SMG6: variants seen among roughly 807,000 people sequenced by gnomAD.
SMG6 encodes the protein telomerase-binding protein EST1A.
A neutral mutation model predicts 142.2 loss-of-function variants in SMG6; 66 were observed. The observed-to-expected ratio is 0.46, with a 90% CI of 0.38 to 0.57. The LOEUF (loss-of-function observed/expected upper bound fraction) is 0.57. Ranked by LOEUF, SMG6 falls within the 20% of genes least tolerant of loss-of-function variation. The probability of loss-of-function intolerance (pLI) is 0.00; values close to 1 mark genes in which losing one functional copy is unlikely to be tolerated. For missense variants in SMG6, 1,793 were observed against 1,832.0 expected (o/e 0.98, Z 0.39); for synonymous variants, 779 against 702.4 (o/e 1.11, Z -1.72).
At chr17:2,292,061 C>A (rs909075353) in intron 6 of SMG6, among the ~76,000 whole-genome samples, 3 of 152,120 alleles carry the variant, frequency 2.0e-5, no homozygotes, top group Non-Finnish European at 4.4e-5. Context: ...TAGGGAGGTA[C>A]AACCTGCTGC....
rs532997926 is a variant in SMG6, at chr17:2,126,715, CA to C, written c.3358-40815del. Among the ~76,000 whole-genome samples, 397 of 66,104 alleles carry C rather than the reference CA, an allele frequency of 6.0e-3. 2 individuals are homozygous for C. Among genetic ancestry groups the C allele is most frequent in the African/African-American group, 0.014 (267 of 18,948 alleles). 43.4% of individuals were successfully genotyped at this position (66,104 alleles called of 152,430 possible). A position where few individuals can be genotyped will look rare whatever the true frequency, so the allele number is the denominator to read the frequency against. On this transcript the variant is annotated intron_variant, in intron 13 of 18. Coordinates refer to ENST00000263073, the MANE Select transcript of SMG6 (RefSeq NM_017575.5). ...TGGGCAACAGAGTGAGGCTCAGTTTCAAAAAAAAAAAAAAAAAAGCAAACTG... is the reference window on the plus strand; with the variant it reads ...TGGGCAACAGAGTGAGGCTCAGTTTCAAAAAAAAAAAAAAAAAGCAAACTG...
At chr17:2,102,923 A>G (rs564342619) in intron 13 of SMG6, among the ~76,000 whole-genome samples, 1 of 152,292 alleles carries the variant, frequency 6.6e-6, no homozygotes, top group Admixed American at 6.5e-5. Context: ...TATTTCACTC[A>G]GCATAATGCT....
Position 2,092,254 on chromosome 17 carries a change from T to G in SMG6, c.3358-6353A>C, listed in dbSNP as rs545194807. Among the ~76,000 whole-genome samples, 271 of 152,196 alleles carry G rather than the reference T, an allele frequency of 1.8e-3. 1 individual carries two copies. Among genetic ancestry groups the G allele is most frequent in the African/African-American group, 6.3e-3 (263 of 41,514 alleles). On this transcript the variant is annotated intron_variant, in intron 13 of 18. Transcript: ENST00000263073. ...ACCGCGCCCGGCCTTTCTCAGTCAT[T>G]TCTAATCCCGGTGTCCAGATCCAAC...
chr17:2,227,855 G>A (rs1257946630), intron 10 of SMG6, among the ~76,000 whole-genome samples: 3 of 152,058 alleles, frequency 2.0e-5, no homozygotes, highest in Admixed American at 6.6e-5. Flanking sequence ...GAAAACAACC[G>A]AAATGCCCAT....
chr17:2,162,258 AT>A (rs2071201920), intron 13 of SMG6, among the ~76,000 whole-genome samples: 1 of 152,060 alleles, frequency 6.6e-6, no homozygotes, highest in African/African-American at 2.4e-5. Flanking sequence ...CACGCCTGTA[AT>A]CCCAGCACTT....
rs1176048430 is a variant in SMG6, at chr17:2,081,851, T to C, written c.3640A>G (p.Arg1214Gly). 4 of 1,614,088 alleles carry C rather than the reference T, an allele frequency of 2.5e-6. No individual in the cohort carries two copies. The highest frequency in any genetic ancestry group is 3.4e-6 in the Non-Finnish European group (4 of 1,180,046). The change falls in exon 15 of 19, where the codon AGG becomes GGG. Residue 1214 changes from arginine (R) to glycine (G), a missense_variant. By Grantham distance (125) the Arg-to-Gly change is moderately radical. Transcript: ENST00000263073. Reference sequence around the variant, plus strand: ...CGACGCTGCTGCTCAGCTATCTTCCTGGCCAGAGCCAGCTTCTTGGCCCGA... The same window carrying C: ...CGACGCTGCTGCTCAGCTATCTTCCCGGCCAGAGCCAGCTTCTTGGCCCGA... ...ELRAKKLALARKIAEQQRRQE... is the reference protein window; with the variant it reads ...ELRAKKLALAGKIAEQQRRQE...
At chr17:2,253,298 C>T (rs538778536) in intron 8 of SMG6, among the ~76,000 whole-genome samples, 54 of 152,154 alleles carry the variant, frequency 3.5e-4, no homozygotes, top group African/African-American at 1.1e-3. Flanking sequence ...CCTGCCACTA[C>T]GCCTGGCTAA....
intron 15 of SMG6, among the ~76,000 whole-genome samples, 169 bp from the exon 16 acceptor site, chr17:2,069,100 T>C (rs1265912350): frequency 1.3e-5 from 2 of 152,054 alleles, no homozygotes; most frequent in Admixed American, 1.3e-4. Context: ...GGGCTGAGCA[T>C]AGCACTGCAA....
chr17:2,109,420 C>T (rs575519298), intron 13 of SMG6, among the ~76,000 whole-genome samples: 20 of 152,094 alleles, frequency 1.3e-4, no homozygotes, highest in African/African-American at 2.9e-4. Context: ...CGTGCCACCA[C>T]GCCTGGTTAA....
intron 13 of SMG6, chr17:2,087,668 G>T: frequency 2.0e-6 from 2 of 990,428 alleles, no homozygotes; most frequent in Non-Finnish European, 1.2e-6. Flanking sequence ...GGTAAGCCTG[G>T]TTCCATTGCG....
intron 6 of SMG6, among the ~76,000 whole-genome samples, chr17:2,287,206 A>C (rs1216636628): frequency 6.6e-6 from 1 of 152,166 alleles, no homozygotes; most frequent in Non-Finnish European, 1.5e-5. Flanking sequence ...GGCGTGAGCC[A>C]CTGGGCCCGG....
At chr17:2,208,754 T>A (rs970787998) in intron 10 of SMG6, among the ~76,000 whole-genome samples, 11 of 152,170 alleles carry the variant, frequency 7.2e-5, no homozygotes, top group Non-Finnish European at 1.0e-4. Flanking sequence ...CTTAAGAAGT[T>A]TAAAGAGGCA....
At chr17:2,134,418 T>G (rs1188058465) in intron 13 of SMG6, among the ~76,000 whole-genome samples, 1 of 4,210 alleles carries the variant, frequency 2.4e-4, no homozygotes, top group East Asian at 2.7e-3. Flanking sequence ...AGACTCCATC[T>G]CAAAAAAAAA....
intron 8 of SMG6, among the ~76,000 whole-genome samples, chr17:2,272,113 C>A (rs1291876252): frequency 6.6e-6 from 1 of 152,210 alleles, no homozygotes; most frequent in African/African-American, 2.4e-5. Context: ...TGGCACCAAA[C>A]TAGAATGTGG....
intron 9 of SMG6, among the ~76,000 whole-genome samples, chr17:2,240,725 T>C (rs192748295): frequency 1.3e-5 from 2 of 152,354 alleles, no homozygotes; most frequent in South Asian, 2.1e-4. Context: ...TTGCACATAG[T>C]AGGCATTCGA....
At chr17:2,074,385 C>T (rs910343327) in intron 15 of SMG6, among the ~76,000 whole-genome samples, 5 of 152,126 alleles carry the variant, frequency 3.3e-5, no homozygotes, top group African/African-American at 4.8e-5. Flanking sequence ...CAGAAGCCAA[C>T]GAGGGCAGAT....
At chr17:2,181,030 CA>C (rs1567663522) in intron 12 of SMG6, among the ~76,000 whole-genome samples, 1 of 152,160 alleles carries the variant, frequency 6.6e-6, no homozygotes, top group Non-Finnish European at 1.5e-5. Context: ...TTACAAGCGT[CA>C]GGGGGGTTAC....
chr17:2,128,475 C>T (rs954028356), intron 13 of SMG6, among the ~76,000 whole-genome samples: 50 of 152,216 alleles, frequency 3.3e-4, no homozygotes, highest in African/African-American at 1.1e-3. Context: ...TAAAAACCAC[C>T]GGATTCTGAT....
At chr17:2,237,448 CTGTT>C in intron 9 of SMG6, 1 of 894,664 alleles carries the variant, frequency 1.1e-6, no homozygotes, top group Non-Finnish European at 1.3e-6. Flanking sequence ...ATCACACTGA[CTGTT>C]CCGCCTAACG....
Sources: allele counts gnomAD v4.1 joint callset (sites outside exome capture counted in the v4.1 genomes callset), GRCh38; gene constraint gnomAD v4.1.1; transcripts MANE v1.5; gene names NCBI Gene and HGNC (gene_info 2026-07-23, HGNC 2026-07-21).